Variants in PARP1 observed in about 807,000 individuals in gnomAD.
PARP1 encodes poly(ADP-ribose) polymerase 1, also known as poly [ADP-ribose] polymerase 1.
In PARP1, 44 loss-of-function variants were observed where a neutral mutation model predicts 118.7. The ratio of observed to expected loss-of-function variants is 0.37; its 90% CI spans 0.29 to 0.48. PARP1 has a LOEUF of 0.48. Ranked by LOEUF, PARP1 falls within the 20% of genes least tolerant of loss-of-function variation. The pLI, the probability that PARP1 is intolerant of heterozygous loss-of-function variation, is 0.99. For synonymous variants in PARP1, 492 were observed against 483.2 expected, an observed-to-expected ratio of 1.02 and a Z score of -0.24; for missense variants, 1,100 against 1,272.4, an observed-to-expected ratio of 0.86 and a Z score of 2.06.
chr1:226,370,617 C>G (rs116578167), intron 14 of PARP1, 100 bp from the exon 15 acceptor site: 5 of 899,470 alleles, frequency 5.6e-6, no homozygotes, highest in Non-Finnish European at 9.3e-6. Flanking sequence ...CCAACAGGAG[C>G]AGTCAGGAGC....
At position 226,361,166 on chromosome 1, in the gene PARP1, G is replaced by C; in HGVS notation, c.*294C>G. 1 of 506,406 alleles carries C rather than the reference G, an allele frequency of 2.0e-6. No homozygotes were observed. The highest frequency in any genetic ancestry group is 3.4e-5 in the East Asian group (1 of 29,242). The allele number at this position is 506,406 out of a possible 1,614,324, so 31.4% of individuals were successfully genotyped here. A position where few individuals can be genotyped will look rare whatever the true frequency, so the allele number is the denominator to read the frequency against. On this transcript the variant is annotated 3_prime_UTR_variant, in exon 23 of 23. Coordinates refer to ENST00000366794, the MANE Select transcript of PARP1 (RefSeq NM_001618.4). ...CTAACGAAGCTTGGTTTTTTCCATA[G>C]GACTAGTCTATGCAACAGAATCTCT... is the stretch of plus-strand genomic sequence containing the variant.
Position 226,402,324 on chromosome 1 carries a change from T to G in PARP1, c.176A>C (p.Lys59Thr). ...AGGGTGCCGGATGGAGTGGCCCACC[T>G]TCCAGAAGCAGGAGAAGTGGTACCA... is the stretch of plus-strand genomic sequence containing the variant. ...PHWYHFSCFWKVGHSIRHPDV... is the reference protein window; with the variant it reads ...PHWYHFSCFWTVGHSIRHPDV... Residue 59 changes from lysine (K) to threonine (T), a missense_variant, in exon 2 of 23, where the codon AAG becomes ACG. By Grantham distance (78) the Lys-to-Thr change is moderately conservative. Coordinates refer to ENST00000366794, the MANE Select transcript of PARP1 (RefSeq NM_001618.4). The G allele has an allele frequency of 6.2e-7, 1 of 1,614,028 alleles. No homozygotes were observed. Among genetic ancestry groups the G allele is most frequent in the Non-Finnish European group, 8.5e-7 (1 of 1,180,036 alleles).
intron 2 of PARP1, among the ~76,000 whole-genome samples, chr1:226,398,024 T>G (rs1664960170): frequency 6.8e-6 from 1 of 146,352 alleles, no homozygotes; most frequent in African/African-American, 2.5e-5. Flanking sequence ...TCACAAAAAG[T>G]AACCAAAATG....
At chr1:226,372,540 T>C (rs764329328) in intron 14 of PARP1, among the ~76,000 whole-genome samples, 9 of 152,034 alleles carry the variant, frequency 5.9e-5, no homozygotes, top group Non-Finnish European at 1.0e-4. Flanking sequence ...CCAGGCACAG[T>C]CGTGCACGCC....
intron 2 of PARP1, among the ~76,000 whole-genome samples, chr1:226,394,699 G>A (rs1261511973): frequency 6.6e-6 from 1 of 152,142 alleles, no homozygotes; most frequent in African/African-American, 2.4e-5. Flanking sequence ...CTTAAGCCCA[G>A]GAGGCCAAGG....
intron 16 of PARP1, 91 bp downstream of exon 16, chr1:226,368,108 G>T: frequency 1.3e-6 from 2 of 1,546,712 alleles, no homozygotes; most frequent in Non-Finnish European, 1.8e-6. Flanking sequence ...CATTGGTGCT[G>T]CCCTCAGGGA....
In PARP1 at chr1:226,366,912, T is replaced by C. The variant is rs533002768; in HGVS notation, c.2406+568A>G. The C allele has an allele frequency of 9.8e-5, 18 of 182,986 alleles. No individual in the cohort carries two copies. The South Asian group carries it at 1.2e-3, about 12-fold the overall frequency. 11.3% of individuals were successfully genotyped at this position (182,986 alleles called of 1,614,324 possible). Reference sequence around the variant, plus strand: ...ACAATGGGGCACATGAGTGTGGAGATAGGCTCAAGGACCGGGCCATCTAGA... The same window carrying C: ...ACAATGGGGCACATGAGTGTGGAGACAGGCTCAAGGACCGGGCCATCTAGA... On this transcript the variant is annotated intron_variant, in intron 17 of 22. Coordinates refer to ENST00000366794, the MANE Select transcript of PARP1 (RefSeq NM_001618.4).
chr1:226,390,379 C>T, intron 4 of PARP1, 31 bp downstream of exon 4: 3 of 1,602,472 alleles, frequency 1.9e-6, no homozygotes, highest in Non-Finnish European at 2.6e-6. Context: ...CTCACTGAAC[C>T]CCCAGGGCAA....
At chr1:226,365,265 A>C in intron 18 of PARP1, 111 bp from the exon 19 acceptor site, 2 of 1,206,802 alleles carry the variant, frequency 1.7e-6, no homozygotes, top group Non-Finnish European at 2.4e-6. Flanking sequence ...CTAAGGCTAG[A>C]AGACTTAAGG....
In PARP1 at chr1:226,361,015, AGTT is replaced by A. The variant is rs1337512950; in HGVS notation, c.*442_*444del. 4.2e-6 allele frequency: 1 copy of A among 236,062 alleles called. No individual in the cohort carries two copies. Among genetic ancestry groups the A allele is most frequent in the African/African-American group, 2.2e-5 (1 of 44,480 alleles). 14.6% of individuals were successfully genotyped at this position (236,062 alleles called of 1,614,324 possible). ...AAGAAAATCTAAATAGTATGAAATT[AGTT>A]TTTATTTTTAACTAAAAATAAATGC... On this transcript the variant is annotated 3_prime_UTR_variant, in exon 23 of 23. Transcript: ENST00000366794.
At chr1:226,403,660 G>A (rs1254753901) in intron 1 of PARP1, among the ~76,000 whole-genome samples, 1 of 152,218 alleles carries the variant, frequency 6.6e-6, no homozygotes, top group Non-Finnish European at 1.5e-5. Context: ...CTGGGGGGTT[G>A]GGAGTCACAG....
chr1:226,401,887 G>A, intron 2 of PARP1: 1 of 1,045,082 alleles, frequency 9.6e-7, no homozygotes. Flanking sequence ...TGACAAGGAA[G>A]AGCCTGTGTG....
chr1:226,378,819 A>G (rs1184668075), intron 12 of PARP1, among the ~76,000 whole-genome samples: 1 of 152,238 alleles, frequency 6.6e-6, no homozygotes, highest in East Asian at 1.9e-4. Flanking sequence ...TGGGTAACAG[A>G]GCGAGACTAT....
chr1:226,368,872 G>GCAAAGGGTGCA (rs1294213144), intron 15 of PARP1, among the ~76,000 whole-genome samples: 1 of 152,220 alleles, frequency 6.6e-6, no homozygotes, highest in Admixed American at 6.5e-5. Flanking sequence ...TGCTCTATAT[G>GCAAAGGGTGCA]CAAAGGGTGC....
chr1:226,386,059 T>C (rs900050721), intron 6 of PARP1, among the ~76,000 whole-genome samples: 13 of 152,162 alleles, frequency 8.5e-5, no homozygotes, highest in African/African-American at 3.1e-4. Context: ...GGGGCTCTCC[T>C]CTCTTCACAG....
At chr1:226,362,641 C>T (rs942057340) in intron 21 of PARP1, among the ~76,000 whole-genome samples, 56 of 152,170 alleles carry the variant, frequency 3.7e-4, no homozygotes, top group African/African-American at 1.3e-3. Context: ...AAATCATATG[C>T]TGCAAATTCT....
chr1:226,367,644 C>A, intron 16 of PARP1, 36 bp from the exon 17 acceptor site: 1 of 1,612,910 alleles, frequency 6.2e-7, no homozygotes, highest in Non-Finnish European at 8.5e-7. Flanking sequence ...ACTTAGGTAT[C>A]ATGGTGAATG....
At chr1:226,389,247 G>A (rs1335078640) in intron 4 of PARP1, among the ~76,000 whole-genome samples, 1 of 152,130 alleles carries the variant, frequency 6.6e-6, no homozygotes, top group Non-Finnish European at 1.5e-5. Flanking sequence ...GCTCACAGAG[G>A]TGGGGCTGTA....
At chr1:226,404,445 T>C (rs1329100090) in intron 1 of PARP1, among the ~76,000 whole-genome samples, 3 of 152,226 alleles carry the variant, frequency 2.0e-5, no homozygotes, top group African/African-American at 7.2e-5. Context: ...AATGTTCCAG[T>C]TACCCTTGTA....
Sources: gnomAD v4.1 joint callset for allele counts (sites outside exome capture counted in the v4.1 genomes callset) on GRCh38, gnomAD v4.1.1 for gene constraint, MANE v1.5 for transcripts, NCBI Gene and HGNC (gene_info 2026-07-23, HGNC 2026-07-21) for gene names.